KCTD8: variants seen among roughly 807,000 people sequenced by gnomAD.
KCTD8 encodes BTB/POZ domain-containing protein KCTD8.
KCTD8 carries 27 observed loss-of-function variants against 31.5 expected under a neutral mutation model. That is an observed-to-expected ratio of 0.86 (90% CI 0.63 to 1.18). The LOEUF is 1.18. KCTD8 is among the 50% of genes most tolerant of loss of function. The pLI, the probability that KCTD8 is intolerant of heterozygous loss-of-function variation, is 0.00. For synonymous variants in KCTD8, 290 were observed against 280.0 expected (o/e 1.04, Z -0.36); for missense variants, 658 against 647.7 (o/e 1.02, Z -0.17).
chr4:44,250,313 T>G (rs1362259843), intron 1 of KCTD8, among the ~76,000 whole-genome samples: 2 of 151,810 alleles, frequency 1.3e-5, no homozygotes, highest in Non-Finnish European at 2.9e-5. Context: ...AGTTAGTGAT[T>G]TTTTCCAATT....
At chr4:44,289,532 C>G (rs1717206058) in intron 1 of KCTD8, among the ~76,000 whole-genome samples, 1 of 152,114 alleles carries the variant, frequency 6.6e-6, no homozygotes, top group Non-Finnish European at 1.5e-5. Flanking sequence ...AAACCCTGTA[C>G]AGGGTTGTCA....
In KCTD8 at chr4:44,269,875, A is replaced by T. The variant is rs1716525662; in HGVS notation, c.962-94625T>A. Reference sequence around the variant, plus strand: ...CACACCAGTTAGGATGGCAATCATTAAAAAGTCAGGAAACAACACATGCTG... The same window carrying T: ...CACACCAGTTAGGATGGCAATCATTTAAAAGTCAGGAAACAACACATGCTG... On this transcript the variant is annotated intron_variant, in intron 1 of 1. Coordinates refer to ENST00000360029, the MANE Select transcript of KCTD8 (RefSeq NM_198353.3). Among the ~76,000 whole-genome samples, 8 of 152,310 alleles carry T rather than the reference A, an allele frequency of 5.3e-5. No individual in the cohort carries two copies. In the South Asian group the frequency reaches 1.7e-3, roughly 32 times the overall value.
At chr4:44,365,530 A>G (rs561105179) in intron 1 of KCTD8, among the ~76,000 whole-genome samples, 25 of 152,324 alleles carry the variant, frequency 1.6e-4, no homozygotes, top group South Asian at 6.2e-4. Context: ...CAATGACATT[A>G]AGTAAAAAAA....
At chr4:44,322,465 G>A (rs1718320337) in intron 1 of KCTD8, among the ~76,000 whole-genome samples, 1 of 151,910 alleles carries the variant, frequency 6.6e-6, no homozygotes. Context: ...CTTTTGAGTT[G>A]TTTCAGTTCC....
chr4:44,229,818 T>G (rs936697212), intron 1 of KCTD8, among the ~76,000 whole-genome samples: 2 of 143,398 alleles, frequency 1.4e-5, no homozygotes, highest in Non-Finnish European at 3.1e-5. Context: ...CCTTAAGGAT[T>G]TTTTTTTCTT....
Position 44,448,325 on chromosome 4 carries a change from C to G in KCTD8, c.199G>C (p.Asp67His). ...GAGAACATGCTGGCCAAAGTACTGT[C>G]CGGGACGCTGAGCAGCGTCGAGTGC... ...TKHSTLLSVP[D>H]STLASMFSPS... Residue 67 changes from aspartate (D) to histidine (H), a missense_variant, in exon 1 of 2, where the codon GAC becomes CAC. Transcript: ENST00000360029. This position sits in a 1 kb window ranked among gnomAD's most constrained non-coding sequence, Gnocchi z 4.1. The G allele has an allele frequency of 1.9e-6, 3 of 1,600,150 alleles. No individual in the cohort carries two copies. Among genetic ancestry groups the G allele is most frequent in the Non-Finnish European group, 2.6e-6 (3 of 1,173,970 alleles).
chr4:44,418,587 G>A (rs746018794), intron 1 of KCTD8, among the ~76,000 whole-genome samples: 23 of 152,182 alleles, frequency 1.5e-4, no homozygotes, highest in Middle Eastern at 6.8e-3. Context: ...CAGTGGATAC[G>A]AAAATAGAGA....
chr4:44,217,970 C>T (rs1714697350), intron 1 of KCTD8, among the ~76,000 whole-genome samples: 1 of 152,114 alleles, frequency 6.6e-6, no homozygotes, highest in Admixed American at 6.5e-5. Flanking sequence ...CTTGTGATCA[C>T]ATAAGCCAAT....
intron 1 of KCTD8, among the ~76,000 whole-genome samples, chr4:44,209,107 G>A (rs962016245): frequency 6.6e-6 from 1 of 152,184 alleles, no homozygotes; most frequent in East Asian, 1.9e-4. Flanking sequence ...TGGAATCTTG[G>A]ATTTTTACCC....
At chr4:44,363,519 C>A (rs1474728302) in intron 1 of KCTD8, among the ~76,000 whole-genome samples, 1 of 152,024 alleles carries the variant, frequency 6.6e-6, no homozygotes, top group Non-Finnish European at 1.5e-5. Flanking sequence ...TAAGAAGGAC[C>A]AAGAAAGAGA....
intron 1 of KCTD8, among the ~76,000 whole-genome samples, chr4:44,261,031 C>T (rs75769236): frequency 0.03 from 4,592 of 151,968 alleles, 241 homozygotes; most frequent in African/African-American, 0.11. Flanking sequence ...CTATGGTCTT[C>T]GTGGTGGGGA....
In KCTD8 at chr4:44,448,172, G is replaced by C; in HGVS notation, c.352C>G (p.Leu118Val). 6.2e-7 allele frequency: 1 copy of C among 1,612,524 alleles called. No individual in the cohort carries two copies. Residue 118 changes from leucine (L) to valine (V), a missense_variant, in exon 1 of 2, where the codon CTC becomes GTC. Transcript: ENST00000360029. This position sits in a 1 kb window ranked among gnomAD's most constrained non-coding sequence, Gnocchi z 4.1. Reference sequence around the variant, plus strand: ...TCGGGGAAGTGCTCCGGCAGCGCGAGTTGCTTGTCCCGCAGATAATCCAGC... The same window carrying C: ...TCGGGGAAGTGCTCCGGCAGCGCGACTTGCTTGTCCCGCAGATAATCCAGC... ...YVLDYLRDKQLALPEHFPEKE... is the reference protein window; with the variant it reads ...YVLDYLRDKQVALPEHFPEKE...
intron 1 of KCTD8, among the ~76,000 whole-genome samples, chr4:44,435,765 G>T (rs1305884682): frequency 6.6e-6 from 1 of 152,066 alleles, no homozygotes; most frequent in Non-Finnish European, 1.5e-5. Context: ...GGATATGGCA[G>T]ATGTGCCTGC....
intron 1 of KCTD8, among the ~76,000 whole-genome samples, chr4:44,247,755 T>C (rs1369865227): frequency 2.0e-5 from 3 of 151,890 alleles, no homozygotes; most frequent in Admixed American, 2.0e-4. Flanking sequence ...TAGAATGAAC[T>C]TGTCCTCCAA....
chr4:44,361,124 A>G, intron 1 of KCTD8, among the ~76,000 whole-genome samples: 1 of 152,026 alleles, frequency 6.6e-6, no homozygotes, highest in East Asian at 1.9e-4. Context: ...TTCATCTGCC[A>G]TTAAAATAAC....
chr4:44,378,691 T>A (rs1251095857), intron 1 of KCTD8, among the ~76,000 whole-genome samples: 1 of 152,126 alleles, frequency 6.6e-6, no homozygotes, highest in East Asian at 1.9e-4. Context: ...TATTAGAGTG[T>A]AGCTATTACA....
intron 1 of KCTD8, among the ~76,000 whole-genome samples, chr4:44,207,069 T>G (rs1714336314): frequency 6.6e-6 from 1 of 152,210 alleles, no homozygotes; most frequent in Admixed American, 6.5e-5. Context: ...AACGTCTTTG[T>G]TCTAACACTT....
chr4:44,326,539 T>C (rs1718447091), intron 1 of KCTD8, among the ~76,000 whole-genome samples: 1 of 151,880 alleles, frequency 6.6e-6, no homozygotes, highest in Non-Finnish European at 1.5e-5. Context: ...TACTATCCAC[T>C]GCATATGCCT....
chr4:44,334,996 C>T (rs1350163453), intron 1 of KCTD8, among the ~76,000 whole-genome samples: 1 of 151,918 alleles, frequency 6.6e-6, no homozygotes, highest in Non-Finnish European at 1.5e-5. Context: ...GGGAAAAGAA[C>T]ATAAAAATAT....
Sources: gnomAD v4.1 joint callset for allele counts (sites outside exome capture counted in the v4.1 genomes callset) on GRCh38, gnomAD v4.1.1 for gene constraint, Gnocchi (gnomAD v3.1) non-coding constraint, MANE v1.5 for transcripts, NCBI Gene and HGNC (gene_info 2026-07-23, HGNC 2026-07-21) for gene names.